CNIH3: variants seen among roughly 807,000 people sequenced by gnomAD.
CNIH3 encodes the protein protein cornichon homolog 3.
A neutral mutation model predicts 24.1 loss-of-function variants in CNIH3; 14 were observed. That is an observed-to-expected ratio of 0.58 (90% CI 0.38 to 0.91). The LOEUF (loss-of-function observed/expected upper bound fraction) is 0.91. CNIH3 is among the 40% of genes least tolerant of loss of function. The probability of loss-of-function intolerance (pLI) is 0.00; values close to 1 mark genes in which losing one functional copy is unlikely to be tolerated. For missense variants in CNIH3, 178 were observed against 196.8 expected (o/e 0.90, Z 0.57); for synonymous variants, 68 against 73.8 (o/e 0.92, Z 0.40).
At chr1:224,548,323 C>A (rs550381483) in intron 3 of CNIH3, among the ~76,000 whole-genome samples, 2 of 150,426 alleles carry the variant, frequency 1.3e-5, no homozygotes, top group South Asian at 2.1e-4. Context: ...CAAAGGGAGA[C>A]ATTACTTTCA....
chr1:224,525,993 A>G (rs376134256), intron 2 of CNIH3, among the ~76,000 whole-genome samples: 8 of 152,244 alleles, frequency 5.3e-5, no homozygotes, highest in African/African-American at 1.9e-4. Context: ...AGGTATCACC[A>G]TGCCTGGTGA....
At chr1:224,678,036 C>T (rs567174880) in intron 1 of CNIH3, among the ~76,000 whole-genome samples, 10 of 152,104 alleles carry the variant, frequency 6.6e-5, no homozygotes, top group Admixed American at 1.3e-4. Flanking sequence ...GCCTTGGTCC[C>T]GCTTGGTCTA....
chr1:224,443,563 G>A (rs1675008191), intron 1 of CNIH3, among the ~76,000 whole-genome samples: 1 of 152,082 alleles, frequency 6.6e-6, no homozygotes, highest in Non-Finnish European at 1.5e-5. Context: ...TCTTTTAAGA[G>A]TCTTCTGTTT....
chr1:224,470,028 T>A (rs1040010608), intron 1 of CNIH3, among the ~76,000 whole-genome samples: 2 of 152,060 alleles, frequency 1.3e-5, no homozygotes, highest in African/African-American at 4.8e-5. Flanking sequence ...TTCTTCTTTT[T>A]TTTTTTTGGA....
Position 224,684,507 on chromosome 1 carries a change from CTT to C in CNIH3, c.151-287_151-286del, listed in dbSNP as rs1686558941. Among the ~76,000 whole-genome samples the C allele has an allele frequency of 6.6e-6, 1 of 152,150 alleles. No individual in the cohort carries two copies. The highest frequency in any genetic ancestry group is 1.9e-4 in the East Asian group (1 of 5,190). ...ATACGTACATGGAGGCTGAGAGAGACTTTGTAGATAAAGGAACAGAAATCCGT... is the reference window on the plus strand; with the variant it reads ...ATACGTACATGGAGGCTGAGAGAGACTGTAGATAAAGGAACAGAAATCCGT... On this transcript the variant is annotated intron_variant, in intron 2 of 5. Coordinates refer to ENST00000272133, the MANE Select transcript of CNIH3 (RefSeq NM_152495.2). This position sits in a 1 kb window ranked among gnomAD's most constrained non-coding sequence, Gnocchi z 4.2.
At chr1:224,619,695 T>C (rs994813917) in intron 1 of CNIH3, among the ~76,000 whole-genome samples, 3 of 152,336 alleles carry the variant, frequency 2.0e-5, no homozygotes, top group Admixed American at 6.5e-5. Flanking sequence ...TATGTTAGAC[T>C]GTTTGCCTTC....
chr1:224,590,513 G>A (rs1204963686), downstream of CNIH3, among the ~76,000 whole-genome samples: 2 of 152,106 alleles, frequency 1.3e-5, no homozygotes, highest in African/African-American at 4.8e-5. Flanking sequence ...CTGGGGCTGG[G>A]AAGTCCCAGA....
At chr1:224,471,293 G>A (rs1676358361) in intron 1 of CNIH3, among the ~76,000 whole-genome samples, 1 of 152,182 alleles carries the variant, frequency 6.6e-6, no homozygotes. Context: ...GCCTCCCAAG[G>A]TGCTGGGATT....
At chr1:224,643,755 G>A (rs887159775) in intron 1 of CNIH3, among the ~76,000 whole-genome samples, 4 of 152,192 alleles carry the variant, frequency 2.6e-5, no homozygotes, top group Admixed American at 6.5e-5. Flanking sequence ...TAGGCTTCCC[G>A]CCTCATGGAT....
chr1:224,689,172 C>T (rs900436670), intron 3 of CNIH3, among the ~76,000 whole-genome samples: 5 of 152,096 alleles, frequency 3.3e-5, no homozygotes, highest in Admixed American at 1.3e-4. Flanking sequence ...CCAATCCTGC[C>T]TCTGCCCTTA....
At chr1:224,438,917 T>G (rs1054759284) in intron 1 of CNIH3, among the ~76,000 whole-genome samples, 4 of 152,208 alleles carry the variant, frequency 2.6e-5, no homozygotes, top group Non-Finnish European at 5.9e-5. Context: ...TAAAATAAAA[T>G]TTAAATCCCT....
intron 1 of CNIH3, among the ~76,000 whole-genome samples, chr1:224,621,989 A>G (rs1337522700): frequency 2.6e-5 from 4 of 152,208 alleles, no homozygotes; most frequent in African/African-American, 9.7e-5. Context: ...TCTCCTGCAC[A>G]TGCTCTCTTG....
At chr1:224,731,438 A>G (rs1172733077) in intron 4 of CNIH3, among the ~76,000 whole-genome samples, 1 of 152,184 alleles carries the variant, frequency 6.6e-6, no homozygotes, top group Admixed American at 6.6e-5. Context: ...GTGGGGGAAT[A>G]TCTAAATAGT....
intron 1 of CNIH3, among the ~76,000 whole-genome samples, chr1:224,436,096 G>C (rs758133654): frequency 1.8e-4 from 27 of 152,194 alleles, no homozygotes; most frequent in Non-Finnish European, 2.5e-4. Context: ...AGAAGTAAGA[G>C]GAAGGTCAAT....
At chr1:224,635,910 C>T (rs1035905660) in intron 1 of CNIH3, among the ~76,000 whole-genome samples, 1 of 152,080 alleles carries the variant, frequency 6.6e-6, no homozygotes, top group Non-Finnish European at 1.5e-5. Context: ...GGGGGGGTCT[C>T]ACTCCGTTGC....
intron 1 of CNIH3, among the ~76,000 whole-genome samples, chr1:224,469,284 A>G (rs1244262745): frequency 6.6e-6 from 1 of 151,648 alleles, no homozygotes; most frequent in Non-Finnish European, 1.5e-5. Context: ...ATTTTGCTAT[A>G]TTTCCCAGGC....
chr1:224,718,211 A>G (rs4653594), intron 3 of CNIH3, among the ~76,000 whole-genome samples: 107,546 of 151,968 alleles, frequency 0.71, 38,996 homozygotes, highest in East Asian at 0.96. Flanking sequence ...AGACGATACT[A>G]GATTGGCAGG....
At position 224,692,513 on chromosome 1, in the gene CNIH3, G is replaced by A. The variant is rs568311689; in HGVS notation, c.198+7670G>A. 7.2e-5 allele frequency among the ~76,000 whole-genome samples: 11 copies of A among 152,290 alleles called. No homozygotes were observed. In the Middle Eastern group the frequency reaches 0.01, roughly 141 times the overall value. ...CTCAAAGGCAGTTGTGTGGAGTGCC[G>A]TAGAGAGACCATCCTTGACGCAGAA... On this transcript the variant is annotated intron_variant, in intron 3 of 5. Transcript: ENST00000272133.
chr1:224,436,858 CTT>C (rs1674690420), intron 1 of CNIH3: 1 of 152,280 alleles, frequency 6.6e-6, no homozygotes, highest in African/African-American at 2.4e-5. Context: ...GGCTTCATCT[CTT>C]ATTGCTCCTC....
Sources: gnomAD v4.1 joint callset for allele counts (sites outside exome capture counted in the v4.1 genomes callset) on GRCh38, gnomAD v4.1.1 for gene constraint, Gnocchi (gnomAD v3.1) non-coding constraint, MANE v1.5 for transcripts, NCBI Gene and HGNC (gene_info 2026-07-23, HGNC 2026-07-21) for gene names.